Variants in PAK1IP1 observed in about 807,000 individuals in gnomAD.
The protein encoded by PAK1IP1 is p21-activated protein kinase-interacting protein 1.
Under a neutral mutation model 42.0 loss-of-function variants are expected in PAK1IP1, and 24 were observed. That is an observed-to-expected ratio of 0.57 (90% CI 0.41 to 0.80). PAK1IP1 has a LOEUF of 0.80. Ranked by LOEUF, PAK1IP1 falls within the 30% of genes least tolerant of loss-of-function variation. PAK1IP1 has a pLI of 0.00. For missense variants in PAK1IP1, 411 were observed against 467.9 expected (o/e 0.88, Z 1.12); for synonymous variants, 154 against 156.7 (o/e 0.98, Z 0.13).
intron 2 of PAK1IP1, among the ~76,000 whole-genome samples, chr6:10,698,761 A>G (rs984884633): frequency 6.6e-6 from 1 of 152,232 alleles, no homozygotes; most frequent in East Asian, 1.9e-4. Flanking sequence ...TCAGTTTGCA[A>G]GATTTTCTGA....
At chr6:10,691,403 G>C (rs1191215558), upstream of PAK1IP1, among the ~76,000 whole-genome samples, 2 of 152,072 alleles carry the variant, frequency 1.3e-5, no homozygotes, top group Non-Finnish European at 2.9e-5. Context: ...GCAAGCGGGG[G>C]TACATGACTG....
chr6:10,694,196 G>A (rs1392709763), upstream of PAK1IP1, among the ~76,000 whole-genome samples: 4 of 150,336 alleles, frequency 2.7e-5, no homozygotes, highest in East Asian at 5.9e-4. Context: ...GGAGGCAGAG[G>A]TTGCGGTGAG....
intron 7 of PAK1IP1, among the ~76,000 whole-genome samples, chr6:10,705,774 T>A (rs1214147801): frequency 6.6e-6 from 1 of 152,242 alleles, no homozygotes; most frequent in African/African-American, 2.4e-5. Context: ...TAGATTTTGA[T>A]GTGATCCATT....
intron 1 of PAK1IP1, among the ~76,000 whole-genome samples, chr6:10,695,955 G>A (rs1275769477): frequency 6.7e-6 from 1 of 149,362 alleles, no homozygotes. Flanking sequence ...CAAAGATGAT[G>A]CTATTTAATT....
At chr6:10,708,842 A>G (rs6912993) in intron 8 of PAK1IP1, 111 bp from the exon 9 acceptor site, 1 of 880,930 alleles carries the variant, frequency 1.1e-6, no homozygotes, top group East Asian at 2.5e-5. Context: ...GCTTCTGAAT[A>G]TCATATTTTG....
intron 4 of PAK1IP1, 30 bp from the exon 5 acceptor site, chr6:10,703,375 C>T (rs376673489): frequency 2.6e-6 from 4 of 1,566,036 alleles, no homozygotes; most frequent in Admixed American, 3.5e-5. Context: ...AGTTGGTGAT[C>T]ACACCGTAAG....
rs1554151752 is a variant in PAK1IP1, at chr6:10,709,526, T to TTC, written c.*74_*75insTC. 1.3e-3 allele frequency: 1,216 copies of TTC among 937,838 alleles called. 9 individuals are homozygous for TTC. The African/African-American group carries it at 0.019, about 15-fold the overall frequency. 58.1% of individuals were successfully genotyped at this position (937,838 alleles called of 1,614,324 possible). On this transcript the variant is annotated 3_prime_UTR_variant, in exon 10 of 10. Transcript: ENST00000379568. The stretch of plus-strand genomic sequence containing the variant: ...CAAATGTACCTTAATTTTTTTTTTT[T>TTC]CCCTGAGTAAAAGCAAGAAATTTCT...
intron 2 of PAK1IP1, among the ~76,000 whole-genome samples, chr6:10,698,545 G>A (rs1189390992): frequency 6.8e-6 from 1 of 147,772 alleles, no homozygotes; most frequent in Non-Finnish European, 1.5e-5. Flanking sequence ...GGCTAGAGAA[G>A]TAGATGGGAC....
At chr6:10,703,533 T>C (rs1770103236) in intron 5 of PAK1IP1, 76 bp downstream of exon 5, 3 of 1,053,944 alleles carry the variant, frequency 2.8e-6, no homozygotes, top group African/African-American at 3.2e-5. Context: ...TCTGAAACTT[T>C]TTGAGCACTG....
rs774632122 is a variant in PAK1IP1, at chr6:10,704,729, C to G, written c.643-18C>G. ...TGATGACATTCTGGATGTTATTACT[C>G]TTTTTCCTCTCTCCTAGGAGTCTGT... On this transcript the variant is annotated intron_variant, in intron 6 of 9. Transcript: ENST00000379568. 4 of 1,603,256 alleles carry G rather than the reference C, an allele frequency of 2.5e-6. No homozygotes were observed. The highest frequency in any genetic ancestry group is 1.3e-5 in the African/African-American group (1 of 74,700).
upstream of PAK1IP1, among the ~76,000 whole-genome samples, chr6:10,692,207 CAGAT>C (rs1247465724): frequency 6.6e-6 from 1 of 152,044 alleles, no homozygotes; most frequent in Non-Finnish European, 1.5e-5. Context: ...TTAAAATAAA[CAGAT>C]ATGTTGTGGA....
chr6:10,694,972 A>T lies in PAK1IP1; in HGVS notation c.-14A>T. 1 of 1,572,796 alleles carries T rather than the reference A, an allele frequency of 6.4e-7. No homozygotes were observed. The highest frequency in any genetic ancestry group is 1.1e-5 in the South Asian group (1 of 90,446). ...GCTGAGCCGGGCTGGCGGAAGAGGC[A>T]CGTGCGCTGCTGAATGGAGCTGGTC... On this transcript the variant is annotated 5_prime_UTR_variant, in exon 1 of 10. Transcript: ENST00000379568.
chr6:10,694,683 C>T (rs1038273775), upstream of PAK1IP1: 1 of 313,616 alleles, frequency 3.2e-6, no homozygotes, highest in Admixed American at 4.8e-5. Flanking sequence ...CCGCTCCCTT[C>T]AGACGGGCGT....
At chr6:10,707,009 CAG>C (rs1770222971) in intron 7 of PAK1IP1, among the ~76,000 whole-genome samples, 1 of 152,142 alleles carries the variant, frequency 6.6e-6, no homozygotes, top group East Asian at 1.9e-4. Flanking sequence ...CTTAGACTAA[CAG>C]TGGTGGGACT....
chr6:10,694,925 T>TTGC, upstream of PAK1IP1: 2 of 910,698 alleles, frequency 2.2e-6, no homozygotes, highest in African/African-American at 3.8e-5. Context: ...TTTTTTTTGG[T>TTGC]TTCCGGTTCT....
rs1770150567 is a variant in PAK1IP1 at position 10,704,812 on chromosome 6, G to T, written c.708G>T (p.Val236=). ...GGTTTTTTGACTGTGATTCACTAGT[G>T]TGCCTCTGCGAATTTAAAGCTCATG... is the stretch of plus-strand genomic sequence containing the variant. The part of the protein sequence containing the change: ...VIRFFDCDSL[V]CLCEFKAHEN... Residue 236 remains valine (V), a synonymous_variant, in exon 7 of 10, where the codon GTG becomes GTT. Transcript: ENST00000379568. 6.2e-7 allele frequency: 1 copy of T among 1,612,876 alleles called. No individual in the cohort carries two copies. The highest frequency in any genetic ancestry group is 1.3e-5 in the African/African-American group (1 of 74,882).
At chr6:10,693,484 C>T (rs1229313356), upstream of PAK1IP1, among the ~76,000 whole-genome samples, 2 of 152,160 alleles carry the variant, frequency 1.3e-5, no homozygotes, top group African/African-American at 4.8e-5. Context: ...TCTATTAACA[C>T]GTACTAACAA....
intron 2 of PAK1IP1, among the ~76,000 whole-genome samples, chr6:10,699,476 C>T (rs1297871902): frequency 6.6e-6 from 1 of 152,170 alleles, no homozygotes; most frequent in Non-Finnish European, 1.5e-5. Flanking sequence ...AGTAGTACTA[C>T]AGTTCCCGGC....
intron 5 of PAK1IP1, 37 bp from the exon 6 acceptor site, chr6:10,704,470 T>A: frequency 7.6e-7 from 1 of 1,319,534 alleles, no homozygotes; most frequent in Non-Finnish European, 1.0e-6. Context: ...ATGTTTTATT[T>A]ACAAAATAAA....
Sources: allele counts gnomAD v4.1 joint callset (sites outside exome capture counted in the v4.1 genomes callset), GRCh38; gene constraint gnomAD v4.1.1; transcripts MANE v1.5; gene names NCBI Gene and HGNC (gene_info 2026-07-23, HGNC 2026-07-21).